CACNA1C: variants seen among roughly 807,000 people sequenced by gnomAD.
The protein encoded by CACNA1C is calcium voltage-gated channel subunit alpha1 C.
CACNA1C carries 30 observed loss-of-function variants against 229.0 expected under a neutral mutation model. The observed-to-expected ratio is 0.13, with a 90% CI of 0.10 to 0.18. The LOEUF is 0.18. CACNA1C is among the 10% of genes least tolerant of loss of function. The pLI is 1.00. For synonymous variants in CACNA1C, 1,114 were observed against 1,132.5 expected (o/e 0.98, Z 0.33); for missense variants, 1,658 against 2,845.0 (o/e 0.58, Z 9.49).
At chr12:2,491,653 A>AAG (rs2099734951) in intron 6 of CACNA1C, among the ~76,000 whole-genome samples, 1 of 129,114 alleles carries the variant, frequency 7.7e-6, no homozygotes, top group Non-Finnish European at 1.7e-5. Flanking sequence ...AGGAGGAGGA[A>AAG]GAGGAGGAGG....
At chr12:2,501,483 C>T (rs1414958896) in intron 7 of CACNA1C, among the ~76,000 whole-genome samples, 1 of 152,204 alleles carries the variant, frequency 6.6e-6, no homozygotes, top group Non-Finnish European at 1.5e-5. Context: ...TCGGTAAATA[C>T]TTGTTGAACA....
chr12:1,986,698 C>A (rs1048939210), intron 1 of CACNA1C, among the ~76,000 whole-genome samples: 1 of 151,716 alleles, frequency 6.6e-6, no homozygotes, highest in Non-Finnish European at 1.5e-5. Flanking sequence ...TGTGACTTGG[C>A]GCATTCTTGG....
At chr12:2,129,361 C>T (rs1032564137) in intron 3 of CACNA1C, among the ~76,000 whole-genome samples, 2 of 152,174 alleles carry the variant, frequency 1.3e-5, no homozygotes, top group Non-Finnish European at 2.9e-5. Context: ...GGTTTACTCA[C>T]TAAATATTTC....
intron 2 of CACNA1C, among the ~76,000 whole-genome samples, chr12:2,119,170 C>T (rs1353868393): frequency 6.6e-6 from 1 of 152,218 alleles, no homozygotes; most frequent in Non-Finnish European, 1.5e-5. Flanking sequence ...CTCTCTGGGC[C>T]TCAGAGGGTT....
At chr12:2,400,524 T>C (rs1397078181) in intron 3 of CACNA1C, among the ~76,000 whole-genome samples, 17 of 152,194 alleles carry the variant, frequency 1.1e-4, no homozygotes, top group Admixed American at 9.8e-4. Context: ...TTGACTTTGC[T>C]GACCTTATCT....
At chr12:2,076,896 G>A (rs142720839) in intron 1 of CACNA1C, among the ~76,000 whole-genome samples, 1 of 152,334 alleles carries the variant, frequency 6.6e-6, no homozygotes, top group Non-Finnish European at 1.5e-5. Flanking sequence ...TTTCTACTGA[G>A]TGGGAAATTG....
chr12:2,492,692 G>A (rs1472479907), intron 6 of CACNA1C, among the ~76,000 whole-genome samples: 1 of 152,182 alleles, frequency 6.6e-6, no homozygotes, highest in East Asian at 1.9e-4. Flanking sequence ...GGATGGGATC[G>A]GTTGGCTAAC....
chr12:2,111,173 C>A (rs2081573159), intron 1 of CACNA1C, among the ~76,000 whole-genome samples: 1 of 152,234 alleles, frequency 6.6e-6, no homozygotes, highest in South Asian at 2.1e-4. Context: ...TGGGCTGGTT[C>A]ATATGTGCTT....
At chr12:2,300,712 T>C (rs770456214) in intron 3 of CACNA1C, among the ~76,000 whole-genome samples, 1 of 152,314 alleles carries the variant, frequency 6.6e-6, no homozygotes, top group Non-Finnish European at 1.5e-5. Flanking sequence ...TTAGCTCCCT[T>C]TGAAGAACAG....
Position 2,319,294 on chromosome 12 carries a change from G to A in CACNA1C, c.478-129682G>A, listed in dbSNP as rs968847757. Among the ~76,000 whole-genome samples the A allele has an allele frequency of 2.0e-5, 3 of 152,046 alleles. No homozygotes were observed. The highest frequency in any genetic ancestry group is 4.8e-5 in the African/African-American group (2 of 41,388). On this transcript the variant is annotated intron_variant, in intron 3 of 46. Coordinates refer to ENST00000399655, the MANE Select transcript of CACNA1C (RefSeq NM_000719.7). This position sits in a 1 kb window ranked among gnomAD's most constrained non-coding sequence, Gnocchi z 4.0. ...ATGGTGGGTGGCCTGTGGGGGCAGC[G>A]TGCATGAAGGCGGCATGCATGGGGG...
chr12:2,540,286 G>A (rs530923221), intron 9 of CACNA1C, among the ~76,000 whole-genome samples: 3 of 151,950 alleles, frequency 2.0e-5, no homozygotes, highest in Non-Finnish European at 2.9e-5. Flanking sequence ...ATGATATGAA[G>A]TGTTATTCTA....
chr12:2,572,580 C>CT (rs2056145198), intron 13 of CACNA1C, among the ~76,000 whole-genome samples: 2 of 7,052 alleles, frequency 2.8e-4, no homozygotes, highest in Admixed American at 1.5e-3. Flanking sequence ...TCCTTCTCCT[C>CT]TCCTCCTCCT....
At chr12:2,413,528 G>C (rs2098831831) in intron 3 of CACNA1C, among the ~76,000 whole-genome samples, 1 of 152,182 alleles carries the variant, frequency 6.6e-6, no homozygotes, top group African/African-American at 2.4e-5. Context: ...TGTCAACAGA[G>C]CTCTGATAAA....
chr12:2,015,326 C>T (rs2045164516), intron 1 of CACNA1C, among the ~76,000 whole-genome samples: 1 of 152,188 alleles, frequency 6.6e-6, no homozygotes, highest in South Asian at 2.1e-4. Flanking sequence ...TAGCTTATCC[C>T]AGCCCCAAGT....
Position 2,501,209 on chromosome 12 carries a change from CAAAAAAA to C in CACNA1C, c.1114-3614_1114-3608del, listed in dbSNP as rs59324696. Among the ~76,000 whole-genome samples, 21 of 31,366 alleles carry C rather than the reference CAAAAAAA, an allele frequency of 6.7e-4. 1 individual carries two copies. Among genetic ancestry groups the C allele is most frequent in the African/African-American group, 2.6e-3 (15 of 5,882 alleles). 20.6% of individuals were successfully genotyped at this position (31,366 alleles called of 152,430 possible). ...TGGGCGACAGAGTGAGACTCCACCT[CAAAAAAA>C]AAAAAAAAAAAAAAAAAAGTAAAGC... On this transcript the variant is annotated intron_variant, in intron 7 of 46. Coordinates refer to ENST00000399655, the MANE Select transcript of CACNA1C (RefSeq NM_000719.7).
chr12:2,426,092 G>C (rs891704342), intron 3 of CACNA1C, among the ~76,000 whole-genome samples: 1 of 152,166 alleles, frequency 6.6e-6, no homozygotes, highest in Admixed American at 6.5e-5. Context: ...AGAGCTGGGG[G>C]CAGGGAACAC....
chr12:1,996,690 G>A (rs936631493), intron 1 of CACNA1C, among the ~76,000 whole-genome samples: 11 of 126,008 alleles, frequency 8.7e-5, no homozygotes, highest in African/African-American at 3.3e-4. Flanking sequence ...AGAAGTTTAC[G>A]AATTTCTGTC....
intron 19 of CACNA1C, among the ~76,000 whole-genome samples, chr12:2,593,865 G>A (rs1325020494): frequency 6.6e-6 from 1 of 152,118 alleles, no homozygotes; most frequent in Non-Finnish European, 1.5e-5. Flanking sequence ...CCTTTAGCTA[G>A]CATTTTCTTT....
rs1424560210 is a variant in CACNA1C at position 2,208,643 on chromosome 12, C to G, written c.477+88213C>G. On this transcript the variant is annotated intron_variant, in intron 3 of 46. Coordinates refer to ENST00000399655, the MANE Select transcript of CACNA1C (RefSeq NM_000719.7). ...GACTCAGGGCACTGATATTTACCAA[C>G]CCATACAGTGTTTTACTGTTTAATG... is the stretch of plus-strand genomic sequence containing the variant. Among the ~76,000 whole-genome samples, 3 of 152,174 alleles carry G rather than the reference C, an allele frequency of 2.0e-5. No homozygotes were observed. In the East Asian group the frequency reaches 5.8e-4, roughly 29 times the overall value.
Sources: allele counts gnomAD v4.1 joint callset (sites outside exome capture counted in the v4.1 genomes callset), GRCh38; gene constraint gnomAD v4.1.1; non-coding constraint Gnocchi (gnomAD v3.1); transcripts MANE v1.5; gene names NCBI Gene and HGNC (gene_info 2026-07-23, HGNC 2026-07-21).